Variants in STK35 observed in about 807,000 individuals in gnomAD.
STK35 encodes serine/threonine-protein kinase 35.
STK35 carries 17 observed loss-of-function variants against 37.3 expected under a neutral mutation model. That is an observed-to-expected ratio of 0.46 (90% confidence interval 0.31 to 0.68). STK35 has a LOEUF of 0.68. Among genes scored for constraint, STK35 ranks in the 30% least tolerant of loss-of-function variants. The probability of loss-of-function intolerance (pLI) is 0.05; values close to 1 mark genes in which losing one functional copy is unlikely to be tolerated. For synonymous variants in STK35, 385 were observed against 319.1 expected (o/e 1.21, Z -2.20); for missense variants, 595 against 746.7 (o/e 0.80, Z 2.37).
Position 2,103,153 on chromosome 20 carries a change from G to C in STK35, c.680G>C (p.Arg227Pro), listed in dbSNP as rs774459010. The C allele has an allele frequency of 8.7e-6, 14 of 1,606,058 alleles. No homozygotes were observed. The highest frequency in any genetic ancestry group is 1.2e-5 in the Non-Finnish European group (14 of 1,179,148). Residue 227 changes from arginine (R) to proline (P), a missense_variant, in exon 2 of 4, where the codon CGG (arginine) becomes CCG (proline). Coordinates refer to ENST00000381482, the MANE Select transcript of STK35 (RefSeq NM_080836.4). The part of the protein sequence containing the change: ...YEAVAGRSGA[R>P]VAVKKIRCDA... Reference sequence around the variant, plus strand: ...GCAGTGGCCGGGCGCAGCGGGGCCCGGGTGGCGGTCAAGAAGATCCGCTGC... The same window carrying C: ...GCAGTGGCCGGGCGCAGCGGGGCCCCGGTGGCGGTCAAGAAGATCCGCTGC...
chr20:2,145,623 C>G lies in STK35; in HGVS notation c.*1877C>G, dbSNP rs1391815557. 1 of 152,234 alleles carries G rather than the reference C, an allele frequency of 6.6e-6. No homozygotes were observed. Among genetic ancestry groups the G allele is most frequent in the African/African-American group, 2.4e-5 (1 of 41,436 alleles). 9.4% of individuals were successfully genotyped at this position (152,234 alleles called of 1,614,324 possible). A position where few individuals can be genotyped will look rare whatever the true frequency, so the allele number is the denominator to read the frequency against. ...CCCACAGTGATAACCAGGCCCTTCCCTTCCTAAGCCAAAACCCATTGTGAC... is the reference window on the plus strand; with the variant it reads ...CCCACAGTGATAACCAGGCCCTTCCGTTCCTAAGCCAAAACCCATTGTGAC... On this transcript the variant is annotated 3_prime_UTR_variant, in exon 4 of 4. Transcript: ENST00000381482.
At chr20:2,105,362 T>C (rs1230674915) in intron 2 of STK35, among the ~76,000 whole-genome samples, 1 of 152,202 alleles carries the variant, frequency 6.6e-6, no homozygotes, top group African/African-American at 2.4e-5. Context: ...GTGTCCTCAG[T>C]TCATTGACGC....
Position 2,148,121 on chromosome 20 carries a change from G to A in STK35, c.*4375G>A, listed in dbSNP as rs1198185184. 1.3e-5 allele frequency: 2 copies of A among 152,232 alleles called. No individual in the cohort carries two copies. The highest frequency in any genetic ancestry group is 1.3e-4 in the Admixed American group (2 of 15,262). The allele number at this position is 152,232 out of a possible 1,614,324, so 9.4% of individuals were successfully genotyped here. ...TATCAGCAGGGAGGCCGTCCCGCTG[G>A]TTTTCTAGGAGAGCCCACAGGAGGA... On this transcript the variant is annotated 3_prime_UTR_variant, in exon 4 of 4. Coordinates refer to ENST00000381482, the MANE Select transcript of STK35 (RefSeq NM_080836.4).
chr20:2,138,264 G>C (rs1986118204), intron 3 of STK35, among the ~76,000 whole-genome samples: 1 of 152,286 alleles, frequency 6.6e-6, no homozygotes, highest in Non-Finnish European at 1.5e-5. Context: ...CTAAATCTGA[G>C]AGTCAGGATA....
Position 2,146,197 on chromosome 20 carries a change from C to T in STK35, c.*2451C>T. On this transcript the variant is annotated 3_prime_UTR_variant, in exon 4 of 4. Transcript: ENST00000381482. ...CTCCCCTGCTTTCTCAAACACTTGC[C>T]CACCTCAGGCACTCAGCGGGCTCCG... The T allele has an allele frequency of 1.3e-5, 2 of 152,412 alleles. No individual in the cohort carries two copies. Among genetic ancestry groups the T allele is most frequent in the Middle Eastern group, 3.4e-3 (1 of 294 alleles). The allele number at this position is 152,412 out of a possible 1,614,324, so 9.4% of individuals were successfully genotyped here. A position where few individuals can be genotyped will look rare whatever the true frequency, so the allele number is the denominator to read the frequency against.
intron 3 of STK35, among the ~76,000 whole-genome samples, chr20:2,134,896 A>G (rs1038661397): frequency 6.6e-6 from 1 of 152,064 alleles, no homozygotes; most frequent in African/African-American, 2.4e-5. Context: ...GTGTCAAAAA[A>G]GAAAAGAAAA....
At position 2,143,915 on chromosome 20, in the gene STK35, C is replaced by T. The variant is rs1031757270; in HGVS notation, c.*169C>T. On this transcript the variant is annotated 3_prime_UTR_variant, in exon 4 of 4. Transcript: ENST00000381482. The stretch of plus-strand genomic sequence containing the variant: ...AATGTGAAGCTTTTGTTTGGGTTTC[C>T]CCGCTTCTTTTTAGTTTTGCTTTAT... 6.1e-5 allele frequency: 27 copies of T among 440,542 alleles called. No individual in the cohort carries two copies. The highest frequency in any genetic ancestry group is 6.6e-4 in the Middle Eastern group (2 of 3,016). 27.3% of individuals were successfully genotyped at this position (440,542 alleles called of 1,614,324 possible).
intron 3 of STK35, among the ~76,000 whole-genome samples, chr20:2,141,296 A>AT (rs1986168601): frequency 6.6e-6 from 1 of 152,150 alleles, no homozygotes; most frequent in Non-Finnish European, 1.5e-5. Context: ...CCACAAGTGG[A>AT]TTTTTTTGAG....
rs932666323 is a variant in STK35, at chr20:2,143,953, C to CTTT, written c.*209_*211dup. 3 of 361,536 alleles carry CTTT rather than the reference C, an allele frequency of 8.3e-6. No homozygotes were observed. Among genetic ancestry groups the CTTT allele is most frequent in the East Asian group, 1.6e-4 (1 of 6,254 alleles). 22.4% of individuals were successfully genotyped at this position (361,536 alleles called of 1,614,324 possible). A position where few individuals can be genotyped will look rare whatever the true frequency, so the allele number is the denominator to read the frequency against. ...AGTTTTGCTTTATTTTTTTCCTTTT[C>CTTT]TTTTCTTTTTTTTTTTTCCTCTTTC... On this transcript the variant is annotated 3_prime_UTR_variant, in exon 4 of 4. Transcript: ENST00000381482.
chr20:2,118,299 T>C (rs569843065), intron 3 of STK35, among the ~76,000 whole-genome samples: 1 of 152,330 alleles, frequency 6.6e-6, no homozygotes, highest in East Asian at 1.9e-4. Context: ...AAGAATGTAT[T>C]AGTGAATATT....
chr20:2,119,974 T>C (rs949062933), intron 3 of STK35, among the ~76,000 whole-genome samples: 3 of 152,218 alleles, frequency 2.0e-5, no homozygotes, highest in Admixed American at 6.5e-5. Flanking sequence ...GCTGGACCAA[T>C]TGGGCCTACC....
chr20:2,113,128 G>A (rs558378982), intron 2 of STK35, among the ~76,000 whole-genome samples: 1 of 152,092 alleles, frequency 6.6e-6, no homozygotes, highest in South Asian at 2.1e-4. Flanking sequence ...TTTGGAACTT[G>A]TGTTCAGTAA....
chr20:2,118,498 T>G (rs112412061), intron 3 of STK35, among the ~76,000 whole-genome samples: 1,616 of 151,892 alleles, frequency 0.011, 24 homozygotes, highest in African/African-American at 0.035. Flanking sequence ...AGGAGAATGG[T>G]GTGAACCCGG....
chr20:2,123,985 TC>T (rs1440796244), intron 3 of STK35, among the ~76,000 whole-genome samples: 1 of 152,220 alleles, frequency 6.6e-6, no homozygotes, highest in Non-Finnish European at 1.5e-5. Flanking sequence ...GACTGATAAT[TC>T]ATTTACTTAC....
At chr20:2,118,058 C>G (rs1216527266) in intron 3 of STK35, among the ~76,000 whole-genome samples, 1 of 152,186 alleles carries the variant, frequency 6.6e-6, no homozygotes, top group Non-Finnish European at 1.5e-5. Flanking sequence ...AGAATAAACA[C>G]TATCTCTGAT....
chr20:2,127,774 G>A (rs909507969), intron 3 of STK35, among the ~76,000 whole-genome samples: 2 of 152,106 alleles, frequency 1.3e-5, no homozygotes, highest in Non-Finnish European at 2.9e-5. Flanking sequence ...AACAGCCGTC[G>A]TGATAATGCC....
At chr20:2,116,629 A>C (rs543141902) in intron 2 of STK35, 37 bp from the exon 3 acceptor site, 1 of 1,583,606 alleles carries the variant, frequency 6.3e-7, no homozygotes, top group South Asian at 1.1e-5. Flanking sequence ...GACTGTGTCC[A>C]TCTCACTCAA....
intron 2 of STK35, among the ~76,000 whole-genome samples, chr20:2,115,682 A>G (rs1224465829): frequency 6.6e-6 from 1 of 152,160 alleles, no homozygotes; most frequent in East Asian, 1.9e-4. Context: ...AGCCCACACA[A>G]TTTAAATCTG....
Position 2,118,360 on chromosome 20 carries a change from C to T in STK35, c.*37+945C>T, listed in dbSNP as rs202122222. ...AAAATTTATTCCAAGGTGGGCGGAT[C>T]ACGAGGTCAGGAGATCAAGACCATC... On this transcript the variant is annotated intron_variant, in intron 3 of 3. Transcript: ENST00000381482. 3.9e-5 allele frequency among the ~76,000 whole-genome samples: 6 copies of T among 152,228 alleles called. No homozygotes were observed. In the East Asian group the frequency reaches 9.7e-4, roughly 25 times the overall value.
Sources: gnomAD v4.1 joint callset for allele counts (sites outside exome capture counted in the v4.1 genomes callset) on GRCh38, gnomAD v4.1.1 for gene constraint, MANE v1.5 for transcripts, NCBI Gene and HGNC (gene_info 2026-07-23, HGNC 2026-07-21) for gene names.